Variants in NAPEPLD observed in about 807,000 individuals in gnomAD.
NAPEPLD encodes the protein N-acyl-phosphatidylethanolamine-hydrolyzing phospholipase D.
In NAPEPLD, 23 loss-of-function variants were observed where a neutral mutation model predicts 38.1. That is an observed-to-expected ratio of 0.60 (90% CI 0.43 to 0.86). The LOEUF (loss-of-function observed/expected upper bound fraction) is 0.86, where lower values mean the gene tolerates loss of function less well. Ranked by LOEUF, NAPEPLD falls within the 40% of genes least tolerant of loss-of-function variation. The pLI is 0.00. For synonymous variants in NAPEPLD, 147 were observed against 162.0 expected, an observed-to-expected ratio of 0.91 and a Z score of 0.71; for missense variants, 411 against 476.8, an observed-to-expected ratio of 0.86 and a Z score of 1.28.
At chr7:103,124,040 G>A (rs548843687) in intron 2 of NAPEPLD, among the ~76,000 whole-genome samples, 1 of 152,170 alleles carries the variant, frequency 6.6e-6, no homozygotes, top group African/African-American at 2.4e-5. Flanking sequence ...TGTGGTACAT[G>A]CCTGTAATCC....
chr7:103,126,404 G>C (rs1807802592), intron 2 of NAPEPLD, among the ~76,000 whole-genome samples: 1 of 152,152 alleles, frequency 6.6e-6, no homozygotes, highest in Non-Finnish European at 1.5e-5. Context: ...AGACAAGTAA[G>C]ATTCTATCAT....
intron 1 of NAPEPLD, among the ~76,000 whole-genome samples, chr7:103,144,247 T>A (rs12155099): frequency 0.98 from 150,013 of 152,316 alleles, 73,900 homozygotes; most frequent in Middle Eastern, 1. Flanking sequence ...AGTAGCATTT[T>A]GCAAACAGTT....
At chr7:103,139,790 G>C (rs145162291) in intron 1 of NAPEPLD, among the ~76,000 whole-genome samples, 3 of 152,250 alleles carry the variant, frequency 2.0e-5, no homozygotes, top group Middle Eastern at 3.4e-3. Flanking sequence ...CAAGGCCCAG[G>C]ACATGACTAC....
intron 2 of NAPEPLD, among the ~76,000 whole-genome samples, chr7:103,125,425 C>T (rs745422854): frequency 6.6e-6 from 1 of 152,188 alleles, no homozygotes; most frequent in Non-Finnish European, 1.5e-5. Flanking sequence ...ATTATATCAA[C>T]ATGCAGATAT....
chr7:103,149,263 G>T (rs1813249307), upstream of NAPEPLD: 6 of 1,000,392 alleles, frequency 6.0e-6, no homozygotes, highest in Non-Finnish European at 7.1e-6. Context: ...GTGCGAGCGC[G>T]GGGGTGCGGA....
intron 1 of NAPEPLD, among the ~76,000 whole-genome samples, chr7:103,134,850 GT>G (rs1809708812): frequency 6.6e-6 from 1 of 152,156 alleles, no homozygotes; most frequent in African/African-American, 2.4e-5. Context: ...GTGAAGACAA[GT>G]CAGCCAAGTA....
At chr7:103,149,585 A>C, upstream of NAPEPLD, 1 of 932,680 alleles carries the variant, frequency 1.1e-6, no homozygotes, top group Non-Finnish European at 1.4e-6. Context: ...GCCCTTACCA[A>C]GATGGCCGCC....
At chr7:103,144,766 C>G (rs929972961) in intron 1 of NAPEPLD, among the ~76,000 whole-genome samples, 7 of 151,852 alleles carry the variant, frequency 4.6e-5, no homozygotes, top group African/African-American at 1.5e-4. Flanking sequence ...CCAGCACTTT[C>G]AGAGGCTGAA....
intron 4 of NAPEPLD, among the ~76,000 whole-genome samples, chr7:103,108,940 C>T (rs1803954866): frequency 6.6e-6 from 1 of 152,092 alleles, no homozygotes; most frequent in African/African-American, 2.4e-5. Flanking sequence ...GGGTTGTAAT[C>T]CTAGTCTCTG....
chr7:103,108,144 T>C (rs1003233171), intron 4 of NAPEPLD, among the ~76,000 whole-genome samples: 1 of 6,794 alleles, frequency 1.5e-4, no homozygotes, highest in Non-Finnish European at 0.1. Flanking sequence ...CTTTTTTTTT[T>C]TTTTTTTTTT....
At chr7:103,123,128 C>A (rs1051846107) in intron 2 of NAPEPLD, among the ~76,000 whole-genome samples, 3 of 152,212 alleles carry the variant, frequency 2.0e-5, no homozygotes, top group Non-Finnish European at 4.4e-5. Context: ...AAATTATCTT[C>A]CCCCTTATCC....
chr7:103,141,301 G>C, intron 1 of NAPEPLD: 2 of 341,110 alleles, frequency 5.9e-6, no homozygotes, highest in Non-Finnish European at 1.1e-5. Flanking sequence ...TTTAATGGCT[G>C]ATCTATGTAA....
chr7:103,138,288 A>G (rs1810501555), intron 1 of NAPEPLD, among the ~76,000 whole-genome samples: 2 of 152,170 alleles, frequency 1.3e-5, no homozygotes, highest in South Asian at 4.1e-4. Flanking sequence ...TACTATCTCC[A>G]TCTCATAATT....
At chr7:103,106,581 C>G (rs1462165579) in intron 4 of NAPEPLD, among the ~76,000 whole-genome samples, 1 of 152,108 alleles carries the variant, frequency 6.6e-6, no homozygotes, top group Non-Finnish European at 1.5e-5. Context: ...GCGTCCGCCA[C>G]TGCTGAAGCT....
Position 103,103,441 on chromosome 7 carries a change from A to C in NAPEPLD, c.1170T>G (p.Asp390Glu). 1.5e-6 allele frequency: 2 copies of C among 1,317,546 alleles called. No individual in the cohort carries two copies. The highest frequency in any genetic ancestry group is 1.4e-5 in the South Asian group (1 of 73,302). The allele number at this position is 1,317,546 out of a possible 1,614,324, so 81.6% of individuals were successfully genotyped here. The change falls in exon 5 of 5, where the codon GAT (aspartate) becomes GAG (glutamate). Residue 390 changes from aspartate (D) to glutamate (E), a missense_variant. Transcript: ENST00000465647. ...GTGCTCACATTTATTAAAAGTTTTC[A>C]TCATCATTATTTAGGTATCTTGATT... ...HGESRYLNND[D>E]ENF
At chr7:103,105,882 G>A (rs10953379) in intron 4 of NAPEPLD, among the ~76,000 whole-genome samples, 130,940 of 148,152 alleles carry the variant, frequency 0.88, 60,110 homozygotes, top group East Asian at 1. Flanking sequence ...GCAGCGCGCC[G>A]AGATCGTGCC....
In NAPEPLD at chr7:103,128,338, A is replaced by G. The variant is rs1016724985; in HGVS notation, c.294+145T>C. The stretch of plus-strand genomic sequence containing the variant: ...ATTCCTATATGTACTCTGCTACTGA[A>G]CGATGAACTTTAGGGCCTAGGTTAC... On this transcript the variant is annotated intron_variant, in intron 2 of 4. Coordinates refer to ENST00000465647, the MANE Select transcript of NAPEPLD (RefSeq NM_001122838.3). 5.4e-6 allele frequency: 5 copies of G among 922,364 alleles called. No homozygotes were observed. The East Asian group carries it at 1.3e-4, about 24-fold the overall frequency. 57.1% of individuals were successfully genotyped at this position (922,364 alleles called of 1,614,324 possible).
intron 1 of NAPEPLD, among the ~76,000 whole-genome samples, chr7:103,133,468 T>G (rs1435241650): frequency 6.6e-6 from 1 of 152,170 alleles, no homozygotes; most frequent in Non-Finnish European, 1.5e-5. Flanking sequence ...TTGCTGAATG[T>G]GCAAAATGAC....
intron 1 of NAPEPLD, among the ~76,000 whole-genome samples, chr7:103,137,326 T>C (rs1179863229): frequency 6.6e-6 from 1 of 152,098 alleles, no homozygotes; most frequent in Non-Finnish European, 1.5e-5. Context: ...GTCACCAAAA[T>C]ACATAAACAC....
Sources: allele counts gnomAD v4.1 joint callset (sites outside exome capture counted in the v4.1 genomes callset), GRCh38; gene constraint gnomAD v4.1.1; transcripts MANE v1.5; gene names NCBI Gene and HGNC (gene_info 2026-07-23, HGNC 2026-07-21).